Variants in COQ4 observed in about 807,000 individuals in gnomAD.
The protein encoded by COQ4 is coenzyme Q4.
Under a neutral mutation model 30.2 loss-of-function variants are expected in COQ4, and 36 were observed. The observed-to-expected ratio is 1.19, with a 90% CI of 0.91 to 1.57. The LOEUF (loss-of-function observed/expected upper bound fraction) is 1.57. Ranked by LOEUF, COQ4 falls within the 40% of genes most tolerant of loss-of-function variation. The pLI, the probability that COQ4 is intolerant of heterozygous loss-of-function variation, is 0.00. For missense variants in COQ4, 369 were observed against 371.9 expected (o/e 0.99, Z 0.07); for synonymous variants, 197 against 161.0 (o/e 1.22, Z -1.69).
chr9:128,326,717 A>G (rs1832327966), intron 4 of COQ4, among the ~76,000 whole-genome samples: 1 of 152,120 alleles, frequency 6.6e-6, no homozygotes, highest in Non-Finnish European at 1.5e-5. Context: ...TGCTGGGATT[A>G]CAGGCGTGAG....
chr9:128,325,083 C>A, intron 2 of COQ4, 60 bp from the exon 3 acceptor site: 2 of 1,186,872 alleles, frequency 1.7e-6, no homozygotes, highest in Non-Finnish European at 1.3e-6. Flanking sequence ...AGGCTCAGAC[C>A]AGGTCAGCTA....
chr9:128,326,012 A>C (rs922467271), intron 4 of COQ4, 131 bp downstream of exon 4: 1 of 790,712 alleles, frequency 1.3e-6, no homozygotes, highest in African/African-American at 1.7e-5. Flanking sequence ...GCTCATGCCA[A>C]GGCTTTGTCA....
In COQ4 at chr9:128,333,767, A is replaced by G. The variant is rs1300539255; in HGVS notation, c.*122A>G. 4.3e-6 allele frequency: 4 copies of G among 936,042 alleles called. No individual in the cohort carries two copies. In the East Asian group the frequency reaches 9.3e-5, roughly 22 times the overall value. 58.0% of individuals were successfully genotyped at this position (936,042 alleles called of 1,614,324 possible). ...CACTGACCCTTGGACAACATTTATC[A>G]TAATTTGTCATAACCACTGCTGAGT... On this transcript the variant is annotated 3_prime_UTR_variant, in exon 7 of 7. Transcript: ENST00000300452.
At chr9:128,332,118 C>G in intron 4 of COQ4, 35 bp from the exon 5 acceptor site, 1 of 1,549,106 alleles carries the variant, frequency 6.5e-7, no homozygotes, top group Non-Finnish European at 8.7e-7. Context: ...TGGGAACCAT[C>G]AGGAAGGGTT....
At chr9:128,323,261 C>A in intron 2 of COQ4, 114 bp downstream of exon 2, 2 of 1,038,730 alleles carry the variant, frequency 1.9e-6, no homozygotes, top group Non-Finnish European at 2.7e-6. Context: ...CGTAACCACT[C>A]GGAACGTTTA....
chr9:128,333,642 C>T lies in COQ4; in HGVS notation c.795C>T (p.Ala265=), dbSNP rs951796217. The T allele has an allele frequency of 6.5e-7, 1 of 1,540,522 alleles. No individual in the cohort carries two copies. The highest frequency in any genetic ancestry group is 8.7e-7 in the Non-Finnish European group (1 of 1,148,916). Residue 265 remains alanine, a synonymous_variant, in exon 7 of 7, where the codon GCC becomes GCT. Transcript: ENST00000300452. ...TAPPMHVQGL[A] is the part of the protein sequence containing the mutation. The stretch of plus-strand genomic sequence containing the variant: ...CACCCATGCACGTCCAGGGCTTGGC[C>T]TGAGCTCCTGAGCCAGCGGGGCCTG...
intron 4 of COQ4, among the ~76,000 whole-genome samples, chr9:128,330,246 G>T (rs909122114): frequency 6.6e-5 from 10 of 151,230 alleles, no homozygotes; most frequent in Non-Finnish European, 1.5e-4. Context: ...AGTGGCACGT[G>T]CCTGTAATCC....
intron 4 of COQ4, among the ~76,000 whole-genome samples, chr9:128,329,153 C>T (rs1224231757): frequency 6.6e-6 from 1 of 152,268 alleles, no homozygotes; most frequent in East Asian, 1.9e-4. Context: ...CCCAGCTTTA[C>T]AAGCCTGGAC....
chr9:128,323,387 CTG>C lies in COQ4; in HGVS notation c.202+242_202+243del, dbSNP rs1158899752. The stretch of plus-strand genomic sequence containing the variant: ...CTGTCTTTAAACTACTTGGGAGAAT[CTG>C]TCATGCAGCCATATTGAGAACATCT... On this transcript the variant is annotated intron_variant, in intron 2 of 6. Transcript: ENST00000300452. 1.1e-5 allele frequency: 6 copies of C among 556,262 alleles called. No homozygotes were observed. The East Asian group carries it at 1.9e-4, about 18-fold the overall frequency. 34.5% of individuals were successfully genotyped at this position (556,262 alleles called of 1,614,324 possible). A position where few individuals can be genotyped will look rare whatever the true frequency, so the allele number is the denominator to read the frequency against.
chr9:128,332,748 A>C (rs2131235695), intron 5 of COQ4, 102 bp from the exon 6 acceptor site: 113 of 903,550 alleles, frequency 1.3e-4, no homozygotes, highest in Non-Finnish European at 1.7e-4. Flanking sequence ...CTGACCCCGT[A>C]GAGATTAGGG....
rs376230553 is a variant in COQ4 at position 128,332,287 on chromosome 9, G to C, written c.532+5G>C. The C allele has an allele frequency of 6.2e-7, 1 of 1,611,946 alleles. No individual in the cohort carries two copies. The highest frequency in any genetic ancestry group is 8.5e-7 in the Non-Finnish European group (1 of 1,179,638). The stretch of plus-strand genomic sequence containing the variant: ...GGATGCCCACCAACATCCTGGGTGA[G>C]TGCCCCCAACCCTGATGGCCTGTCT... On this transcript the variant is annotated splice_donor_5th_base_variant and intron_variant, in intron 5 of 6. Coordinates refer to ENST00000300452, the MANE Select transcript of COQ4 (RefSeq NM_016035.5).
At chr9:128,329,289 A>C (rs1305477690) in intron 4 of COQ4, among the ~76,000 whole-genome samples, 2 of 152,196 alleles carry the variant, frequency 1.3e-5, no homozygotes, top group Non-Finnish European at 2.9e-5. Flanking sequence ...AATCCAGCAG[A>C]CTTTGTTTCA....
chr9:128,333,654 G>C lies in COQ4; in HGVS notation c.*9G>C. On this transcript the variant is annotated 3_prime_UTR_variant, in exon 7 of 7. Transcript: ENST00000300452. Reference sequence around the variant, plus strand: ...TCCAGGGCTTGGCCTGAGCTCCTGAGCCAGCGGGGCCTGGCCTACCTCCCC... The same window carrying C: ...TCCAGGGCTTGGCCTGAGCTCCTGACCCAGCGGGGCCTGGCCTACCTCCCC... The C allele has an allele frequency of 6.6e-7, 1 of 1,524,022 alleles. No homozygotes were observed. The highest frequency in any genetic ancestry group is 1.4e-5 in the African/African-American group (1 of 71,476). 94.4% of individuals were successfully genotyped at this position (1,524,022 alleles called of 1,614,324 possible). A position where few individuals can be genotyped will look rare whatever the true frequency, so the allele number is the denominator to read the frequency against.
chr9:128,328,015 A>G (rs960022726), intron 4 of COQ4, among the ~76,000 whole-genome samples: 1 of 152,232 alleles, frequency 6.6e-6, no homozygotes, highest in Non-Finnish European at 1.5e-5. Context: ...GAAGGTAAGG[A>G]GGAGCCAACC....
chr9:128,325,857 G>A lies in COQ4; in HGVS notation c.378G>A (p.Glu126=), dbSNP rs752070573. The part of the protein sequence containing the change: ...QSLPEGSLGR[E]YLRFLDVNRV... ...TGCCGGAAGGCTCCCTCGGTCGCGA[G>A]TATCTCCGTTTCCTGGATGTGAACG... The change falls in exon 4 of 7, where the codon GAG becomes GAA. Residue 126 remains glutamate, a synonymous_variant. Coordinates refer to ENST00000300452, the MANE Select transcript of COQ4 (RefSeq NM_016035.5). 1.9e-6 allele frequency: 3 copies of A among 1,614,196 alleles called. No homozygotes were observed. The highest frequency in any genetic ancestry group is 1.6e-4 in the Middle Eastern group (1 of 6,062).
chr9:128,323,107 C>G lies in COQ4; in HGVS notation c.162C>G (p.Ala54=). 2 of 1,610,944 alleles carry G rather than the reference C, an allele frequency of 1.2e-6. No homozygotes were observed. The highest frequency in any genetic ancestry group is 1.3e-5 in the African/African-American group (1 of 75,030). ...TSPLQKGLLA[A]GSAAMALYNP... ...CGCTGCAGAAAGGGCTGTTGGCCGC[C>G]GGCTCCGCGGCGATGGCGCTCTATA... The change falls in exon 2 of 7, where the codon GCC becomes GCG. Residue 54 remains alanine (A), a synonymous_variant. Coordinates refer to ENST00000300452, the MANE Select transcript of COQ4 (RefSeq NM_016035.5).
intron 4 of COQ4, chr9:128,331,454 C>G (rs906573082): frequency 6.6e-6 from 1 of 152,312 alleles, no homozygotes; most frequent in Non-Finnish European, 1.5e-5. Flanking sequence ...GACACTTAAC[C>G]CAGGTCATGA....
At chr9:128,325,757 A>G (rs1323960403) in intron 3 of COQ4, 22 bp from the exon 4 acceptor site, 1 of 1,603,050 alleles carries the variant, frequency 6.2e-7, no homozygotes, top group South Asian at 1.1e-5. Flanking sequence ...CACCCTCCCA[A>G]TGCCCAAGTC....
intron 4 of COQ4, chr9:128,330,530 G>A (rs1281886944): frequency 6.6e-6 from 1 of 151,982 alleles, no homozygotes; most frequent in Non-Finnish European, 1.5e-5. Context: ...GTCTCACTCT[G>A]TTGCCCAGGC....
Sources: gnomAD v4.1 joint callset for allele counts (sites outside exome capture counted in the v4.1 genomes callset) on GRCh38, gnomAD v4.1.1 for gene constraint, MANE v1.5 for transcripts, NCBI Gene and HGNC (gene_info 2026-07-23, HGNC 2026-07-21) for gene names.